HIVEP3: variants seen among roughly 807,000 people sequenced by gnomAD.
HIVEP3 encodes the protein HIVEP zinc finger 3, also known as transcription factor HIVEP3.
Under a neutral mutation model 152.8 loss-of-function variants are expected in HIVEP3, and 49 were observed. The ratio of observed to expected loss-of-function variants is 0.32; its 90% CI spans 0.26 to 0.41. The LOEUF (loss-of-function observed/expected upper bound fraction) is 0.41, where lower values mean the gene tolerates loss of function less well. HIVEP3 is among the 10% of genes least tolerant of loss of function. The probability of loss-of-function intolerance (pLI) is 1.00; values close to 1 mark genes in which losing one functional copy is unlikely to be tolerated. For missense variants in HIVEP3, 2,790 were observed against 3,103.3 expected (o/e 0.90, Z 2.40); for synonymous variants, 1,269 against 1,289.0 (o/e 0.98, Z 0.33).
At chr1:41,528,707 TCA>T (rs1010356831) in intron 5 of HIVEP3, among the ~76,000 whole-genome samples, 3 of 77,408 alleles carry the variant, frequency 3.9e-5, no homozygotes, top group Admixed American at 1.5e-4. Flanking sequence ...ACCCTCAGAC[TCA>T]CAGCCCACCC....
At chr1:41,638,803 C>G (rs971916589) in intron 2 of HIVEP3, among the ~76,000 whole-genome samples, 1 of 152,212 alleles carries the variant, frequency 6.6e-6, no homozygotes, top group African/African-American at 2.4e-5. Context: ...GGGCCGCATC[C>G]GGTCTGGGCA....
chr1:42,024,366 T>C (rs183597435), intron 1 of HIVEP3, among the ~76,000 whole-genome samples: 1 of 152,322 alleles, frequency 6.6e-6, no homozygotes, highest in African/African-American at 2.4e-5. Context: ...TTATTTTCAC[T>C]CTTTCTGTGG....
intron 2 of HIVEP3, among the ~76,000 whole-genome samples, chr1:41,631,328 G>C (rs532419755): frequency 2.0e-4 from 30 of 152,322 alleles, no homozygotes; most frequent in African/African-American, 7.0e-4. Flanking sequence ...GCTAAGAATG[G>C]TGAGTGCCTT....
At position 41,963,629 on chromosome 1, in the gene HIVEP3, C is replaced by T. The variant is rs539448523; in HGVS notation, n.120-45105G>A. On this transcript the variant is annotated intron_variant and non_coding_transcript_variant, in intron 1 of 3. Transcript: ENST00000489103. The stretch of plus-strand genomic sequence containing the variant: ...ACATGGCACATGTATACATATGTAA[C>T]AAACCTGCACGTTGTGCACATGTAC... Among the ~76,000 whole-genome samples, 9 of 152,058 alleles carry T rather than the reference C, an allele frequency of 5.9e-5. 1 individual carries two copies. The South Asian group carries it at 1.9e-3, about 32-fold the overall frequency.
intron 2 of HIVEP3, among the ~76,000 whole-genome samples, chr1:41,665,544 C>T (rs1308705170): frequency 6.6e-6 from 1 of 151,314 alleles, no homozygotes; most frequent in Non-Finnish European, 1.5e-5. Flanking sequence ...TATCCCATTG[C>T]TAAATGTTAC....
At chr1:41,788,390 A>G (rs1649493017) in intron 1 of HIVEP3, among the ~76,000 whole-genome samples, 1 of 152,198 alleles carries the variant, frequency 6.6e-6, no homozygotes, top group Admixed American at 6.5e-5. Flanking sequence ...AGGCTCAGAG[A>G]GGCGAAGTGG....
chr1:41,892,158 T>A (rs1358829536), intron 1 of HIVEP3, among the ~76,000 whole-genome samples: 2 of 152,096 alleles, frequency 1.3e-5, no homozygotes, highest in African/African-American at 2.4e-5. Context: ...AAACAAACAT[T>A]CAAACAAGAC....
At chr1:41,565,697 C>T (rs1644152312) in intron 5 of HIVEP3, among the ~76,000 whole-genome samples, 1 of 152,182 alleles carries the variant, frequency 6.6e-6, no homozygotes, top group African/African-American at 2.4e-5. Flanking sequence ...GGCCAGGATC[C>T]AGGCAGACAG....
At chr1:41,727,378 C>T (rs1646771840) in intron 1 of HIVEP3, among the ~76,000 whole-genome samples, 1 of 152,186 alleles carries the variant, frequency 6.6e-6, no homozygotes, top group Non-Finnish European at 1.5e-5. Flanking sequence ...CTGACCCCTA[C>T]CAGCTGGGAA....
At chr1:41,636,956 T>C (rs912486127) in intron 2 of HIVEP3, among the ~76,000 whole-genome samples, 3 of 62,412 alleles carry the variant, frequency 4.8e-5, no homozygotes, top group African/African-American at 8.0e-5. Flanking sequence ...CGAAACTCCA[T>C]CTCAAAAAAA....
At chr1:41,818,003 C>T (rs1182490924) in intron 1 of HIVEP3, among the ~76,000 whole-genome samples, 2 of 152,176 alleles carry the variant, frequency 1.3e-5, no homozygotes, top group African/African-American at 4.8e-5. Flanking sequence ...CTCTACTGTC[C>T]AGTCAAGGAC....
rs1642504753 is a variant in HIVEP3, at chr1:41,819,013, C to T, written c.-801+99400G>A. Among the ~76,000 whole-genome samples, 3 of 152,168 alleles carry T rather than the reference C, an allele frequency of 2.0e-5. No homozygotes were observed. In the South Asian group the frequency reaches 6.2e-4, roughly 31 times the overall value. On this transcript the variant is annotated intron_variant, in intron 1 of 8. Transcript: ENST00000372583. ...GCAGTGTGGAGGTATGGGCCGGAAGCTATTATCACCTCCATTTTAAAGAGA... is the reference window on the plus strand; with the variant it reads ...GCAGTGTGGAGGTATGGGCCGGAAGTTATTATCACCTCCATTTTAAAGAGA...
At chr1:41,861,499 G>A (rs146012182) in intron 1 of HIVEP3, among the ~76,000 whole-genome samples, 381 of 152,320 alleles carry the variant, frequency 2.5e-3, no homozygotes, top group Non-Finnish European at 4.6e-3. Context: ...CAGCCTTTAT[G>A]GGAAAATGGA....
intron 2 of HIVEP3, among the ~76,000 whole-genome samples, chr1:41,685,294 G>A (rs1304984899): frequency 6.6e-6 from 1 of 152,224 alleles, no homozygotes; most frequent in Non-Finnish European, 1.5e-5. Flanking sequence ...GGGCCTGTAG[G>A]AGTACCTGCC....
chr1:41,681,362 G>A (rs557397262), intron 2 of HIVEP3, among the ~76,000 whole-genome samples: 27 of 152,324 alleles, frequency 1.8e-4, no homozygotes, highest in African/African-American at 6.5e-4. Flanking sequence ...ACAAAGTGCT[G>A]GGATTGCATC....
chr1:41,888,258 T>C (rs1279515850), intron 1 of HIVEP3, among the ~76,000 whole-genome samples: 2 of 146,356 alleles, frequency 1.4e-5, no homozygotes, highest in African/African-American at 2.6e-5. Flanking sequence ...TTCAACATGT[T>C]AGCCAGGATG....
At chr1:41,877,992 A>G (rs981567614) in intron 1 of HIVEP3, among the ~76,000 whole-genome samples, 4 of 152,234 alleles carry the variant, frequency 2.6e-5, no homozygotes, top group African/African-American at 9.6e-5. Context: ...GGATGAAGAC[A>G]TAAATTGGAG....
At chr1:42,003,507 A>T (rs1645440387) in intron 1 of HIVEP3, among the ~76,000 whole-genome samples, 1 of 152,252 alleles carries the variant, frequency 6.6e-6, no homozygotes, top group African/African-American at 2.4e-5. Context: ...TTGTCCGTGC[A>T]CATCGAAGTC....
At chr1:42,001,424 G>T (rs1173731449) in intron 1 of HIVEP3, among the ~76,000 whole-genome samples, 2 of 152,156 alleles carry the variant, frequency 1.3e-5, no homozygotes, top group Non-Finnish European at 2.9e-5. Flanking sequence ...CATAAAGGCA[G>T]CCTGGTGTCT....
Sources: allele counts gnomAD v4.1 joint callset (sites outside exome capture counted in the v4.1 genomes callset), GRCh38; gene constraint gnomAD v4.1.1; transcripts MANE v1.5; gene names NCBI Gene and HGNC (gene_info 2026-07-23, HGNC 2026-07-21).